TRAPPC9: variants seen among roughly 807,000 people sequenced by gnomAD.
TRAPPC9 encodes trafficking protein particle complex subunit 9, also known as IKK2 binding protein.
Under a neutral mutation model 124.0 loss-of-function variants are expected in TRAPPC9, and 83 were observed. The observed-to-expected ratio is 0.67, with a 90% confidence interval of 0.56 to 0.80. TRAPPC9 has a LOEUF of 0.80. Ranked by LOEUF, TRAPPC9 falls within the 30% of genes least tolerant of loss-of-function variation. The pLI is 0.00. For missense variants in TRAPPC9, 1,302 were observed against 1,508.3 expected, an observed-to-expected ratio of 0.86 and a Z score of 2.27; for synonymous variants, 638 against 617.5, an observed-to-expected ratio of 1.03 and a Z score of -0.49.
chr8:140,128,463 C>A (rs113833794), intron 17 of TRAPPC9, among the ~76,000 whole-genome samples: 1 of 152,154 alleles, frequency 6.6e-6, no homozygotes, highest in African/African-American at 2.4e-5. Flanking sequence ...GGTTAATGAG[C>A]GGCTAAAGGC....
At chr8:139,746,186 T>C (rs1818873505) in intron 21 of TRAPPC9, among the ~76,000 whole-genome samples, 1 of 152,220 alleles carries the variant, frequency 6.6e-6, no homozygotes, top group Non-Finnish European at 1.5e-5. Context: ...GCCCCCTCCG[T>C]GAGGCAGTTC....
intron 17 of TRAPPC9, among the ~76,000 whole-genome samples, chr8:140,135,606 A>G (rs544767920): frequency 6.6e-6 from 1 of 152,308 alleles, no homozygotes; most frequent in South Asian, 2.1e-4. Context: ...GACAGAAAGT[A>G]GATTAGAGGT....
At position 139,995,612 on chromosome 8, in the gene TRAPPC9, G is replaced by A. The variant is rs532086819; in HGVS notation, c.2700-6776C>T. On this transcript the variant is annotated intron_variant, in intron 18 of 22. Transcript: ENST00000438773. ...TTGTAGCAGGCACATAGGGATAAGA[G>A]CCCCCAGTAATTTGGGAAGATTTCA... 2.5e-3 allele frequency among the ~76,000 whole-genome samples: 374 copies of A among 152,184 alleles called. 1 individual carries two copies. Among genetic ancestry groups the A allele is most frequent in the African/African-American group, 8.6e-3 (356 of 41,512 alleles).
intron 17 of TRAPPC9, among the ~76,000 whole-genome samples, chr8:140,065,977 G>A (rs1475197467): frequency 7.9e-5 from 12 of 152,302 alleles, no homozygotes; most frequent in Non-Finnish European, 1.5e-4. Context: ...TGATTCCTCC[G>A]ATGGATCTGG....
intron 16 of TRAPPC9, among the ~76,000 whole-genome samples, chr8:140,225,708 A>G (rs2063435258): frequency 6.6e-6 from 1 of 152,300 alleles, no homozygotes; most frequent in Non-Finnish European, 1.5e-5. Context: ...GACTTCACCC[A>G]GTAAGCCGTC....
At chr8:140,208,053 G>C (rs1443521134) in intron 17 of TRAPPC9, among the ~76,000 whole-genome samples, 1 of 151,868 alleles carries the variant, frequency 6.6e-6, no homozygotes, top group Non-Finnish European at 1.5e-5. Context: ...GGGAGGCGGA[G>C]GCAGGAGAAT....
Position 140,233,056 on chromosome 8 carries a change from G to C in TRAPPC9, c.2432-11473C>G, listed in dbSNP as rs373588965. ...AAAGCCATTATCTCTTCATTAAACA[G>C]TCAGCCGAATCAAAGAAATCACAGA... On this transcript the variant is annotated intron_variant, in intron 16 of 22. Transcript: ENST00000438773. Among the ~76,000 whole-genome samples, 43 of 152,302 alleles carry C rather than the reference G, an allele frequency of 2.8e-4. No homozygotes were observed. In the East Asian group the frequency reaches 3.9e-3, roughly 14 times the overall value.
intron 16 of TRAPPC9, among the ~76,000 whole-genome samples, chr8:140,247,218 T>C (rs903794888): frequency 6.6e-6 from 1 of 152,232 alleles, no homozygotes; most frequent in Non-Finnish European, 1.5e-5. Flanking sequence ...CAAGAAATCA[T>C]GAGAATTTAA....
rs1209572503 is a variant in TRAPPC9, at chr8:140,033,657, GGTTTTTTTTTTTTT to G, written c.2557-9592_2557-9579del. On this transcript the variant is annotated intron_variant, in intron 17 of 22. Transcript: ENST00000438773. ...ATTGAAATGCAACTCTTCATAATGTGGTTTTTTTTTTTTTTTTTTTTTTTTTTTTTTTTTTTTTT... is the reference window on the plus strand; with the variant it reads ...ATTGAAATGCAACTCTTCATAATGTGTTTTTTTTTTTTTTTTTTTTTTTTT... 5.4e-3 allele frequency among the ~76,000 whole-genome samples: 264 copies of G among 49,298 alleles called. 7 individuals carry two copies. The highest frequency in any genetic ancestry group is 0.01 in the African/African-American group (243 of 23,708). The allele number at this position is 49,298 out of a possible 152,430, so 32.3% of individuals were successfully genotyped here.
At chr8:139,845,781 T>C (rs1010637324) in intron 21 of TRAPPC9, among the ~76,000 whole-genome samples, 6 of 152,340 alleles carry the variant, frequency 3.9e-5, no homozygotes, top group Non-Finnish European at 8.8e-5. Flanking sequence ...CCTGTGAGCT[T>C]TACTGAAGCC....
rs760093468 is a variant in TRAPPC9, at chr8:140,284,021, C to G, written c.1982G>C (p.Gly661Ala). 1 of 1,613,988 alleles carries G rather than the reference C, an allele frequency of 6.2e-7. No homozygotes were observed. Among genetic ancestry groups the G allele is most frequent in the African/African-American group, 1.3e-5 (1 of 75,026 alleles). Residue 661 changes from glycine to alanine, a missense_variant and splice_region_variant, in exon 14 of 23, where the codon GGT becomes GCT. Coordinates refer to ENST00000438773, the MANE Select transcript of TRAPPC9 (RefSeq NM_001160372.4). ...PQTTGTITVN[G>A]YHTTVFGVFS... ...CACACCGAAGACCGTGGTATGGTAA[C>G]CTGGAATAGAAAAGGAACTTCTTCA...
intron 2 of TRAPPC9, among the ~76,000 whole-genome samples, chr8:140,443,301 TGG>T (rs2071108552): frequency 1.3e-5 from 2 of 150,676 alleles, no homozygotes; most frequent in Admixed American, 1.3e-4. Context: ...CCAGGCGTGG[TGG>T]TGGGCGCCTG....
chr8:140,130,596 T>A (rs927114151), intron 17 of TRAPPC9, among the ~76,000 whole-genome samples: 2 of 152,174 alleles, frequency 1.3e-5, no homozygotes, highest in Non-Finnish European at 2.9e-5. Context: ...AAGAATCAGA[T>A]GATTCTAAGT....
chr8:139,865,080 G>C (rs2131001139), intron 21 of TRAPPC9, among the ~76,000 whole-genome samples: 1 of 152,288 alleles, frequency 6.6e-6, no homozygotes, highest in East Asian at 1.9e-4. Flanking sequence ...ATTTTGCTGT[G>C]ATTAGGTGGC....
intron 2 of TRAPPC9, among the ~76,000 whole-genome samples, chr8:140,439,547 C>T (rs1227427950): frequency 1.3e-5 from 2 of 152,238 alleles, no homozygotes; most frequent in Non-Finnish European, 1.5e-5. Flanking sequence ...AATTATCTTC[C>T]ACTTCTTAAC....
intron 7 of TRAPPC9, among the ~76,000 whole-genome samples, chr8:140,378,776 G>T (rs1279528157): frequency 1.3e-5 from 2 of 152,148 alleles, no homozygotes; most frequent in Non-Finnish European, 2.9e-5. Context: ...GCAGGTCTAA[G>T]GTTTATTTTC....
intron 19 of TRAPPC9, chr8:139,914,953 T>A (rs909731437): frequency 6.6e-6 from 1 of 152,184 alleles, no homozygotes. Context: ...CAATTCCCCA[T>A]CAGAAGGTTT....
intron 7 of TRAPPC9, among the ~76,000 whole-genome samples, chr8:140,390,096 G>A (rs1164139093): frequency 6.6e-6 from 1 of 152,142 alleles, no homozygotes; most frequent in Non-Finnish European, 1.5e-5. Context: ...TTGAAGTCAG[G>A]AGTTCAAGAC....
At chr8:140,134,052 T>A (rs2061251268) in intron 17 of TRAPPC9, among the ~76,000 whole-genome samples, 1 of 152,046 alleles carries the variant, frequency 6.6e-6, no homozygotes, top group Non-Finnish European at 1.5e-5. Flanking sequence ...GACCCTCAAT[T>A]TCTCACAGAA....
Sources: allele counts gnomAD v4.1 joint callset (sites outside exome capture counted in the v4.1 genomes callset), GRCh38; gene constraint gnomAD v4.1.1; transcripts MANE v1.5; gene names NCBI Gene and HGNC (gene_info 2026-07-23, HGNC 2026-07-21).